The following UBE2V2 variants were observed in gnomAD, a reference collection of about 807,000 sequenced individuals.
The protein encoded by UBE2V2 is ubiquitin conjugating enzyme E2 V2, also known as ubiquitin-conjugating enzyme E2 variant 2.
A neutral mutation model predicts 17.2 loss-of-function variants in UBE2V2; 9 were observed. The ratio of observed to expected loss-of-function variants is 0.52; its 90% CI spans 0.32 to 0.91. The LOEUF (loss-of-function observed/expected upper bound fraction) is 0.91. Among genes scored for constraint, UBE2V2 ranks in the 40% least tolerant of loss-of-function variants. UBE2V2 has a pLI of 0.04. For synonymous variants in UBE2V2, 61 were observed against 57.5 expected (o/e 1.06, Z -0.28); for missense variants, 133 against 182.6 (o/e 0.73, Z 1.56).
chr8:48,010,496 G>T (rs1242736837), intron 1 of UBE2V2, among the ~76,000 whole-genome samples: 1 of 151,318 alleles, frequency 6.6e-6, no homozygotes, highest in African/African-American at 2.4e-5. Context: ...CCGCCTCCCG[G>T]GCTCAAGCGA....
intron 1 of UBE2V2, 81 bp from the exon 2 acceptor site, chr8:48,042,952 T>C (rs1162941288): frequency 7.7e-7 from 1 of 1,306,326 alleles, no homozygotes; most frequent in Non-Finnish European, 1.0e-6. Context: ...TAAAGGTTAA[T>C]TTGGAAAAAG....
At chr8:48,002,003 C>T in the UBE2V2 span, among the ~76,000 whole-genome samples, 6 of 151,858 alleles carry the variant, frequency 4.0e-5, no homozygotes, top group African/African-American at 9.7e-5. Context: ...GCAGGAGAAT[C>T]GCTTGAACCC....
At chr8:47,999,382 G>A in the UBE2V2 span, among the ~76,000 whole-genome samples, 1 of 151,186 alleles carries the variant, frequency 6.6e-6, no homozygotes, top group South Asian at 2.1e-4. Flanking sequence ...TTTTGAGATG[G>A]AGTCTTGCTC....
intron 3 of UBE2V2, among the ~76,000 whole-genome samples, chr8:48,053,929 C>T (rs182434176): frequency 6.2e-4 from 94 of 151,810 alleles, no homozygotes; most frequent in African/African-American, 2.0e-3. Flanking sequence ...CTTAGCCTCC[C>T]GAGTAGCTGG....
At chr8:48,008,004 C>T (rs45537341), upstream of UBE2V2, among the ~76,000 whole-genome samples, 2,297 of 152,278 alleles carry the variant, frequency 0.015, 23 homozygotes, top group Non-Finnish European at 0.023. Context: ...CTCATTGCCC[C>T]TCCGCCTCCC....
intron 2 of UBE2V2, among the ~76,000 whole-genome samples, chr8:48,047,446 A>T (rs917381226): frequency 2.6e-5 from 4 of 152,198 alleles, no homozygotes; most frequent in African/African-American, 9.6e-5. Context: ...TGAAATAATG[A>T]TTAGATAATA....
At chr8:48,059,210 C>T (rs1304655578) in intron 3 of UBE2V2, among the ~76,000 whole-genome samples, 1 of 152,036 alleles carries the variant, frequency 6.6e-6, no homozygotes, top group Admixed American at 6.6e-5. Context: ...GCTAGGATTA[C>T]AGGCGTGAGC....
chr8:48,063,595 C>T lies in UBE2V2; in HGVS notation c.*2767C>T, dbSNP rs189689469. Reference sequence around the variant, plus strand: ...GATTTAATGGTTTTAATTACTTAACCAATTTTAAGAATTGACAATTTTTAA... The same window carrying T: ...GATTTAATGGTTTTAATTACTTAACTAATTTTAAGAATTGACAATTTTTAA... On this transcript the variant is annotated 3_prime_UTR_variant, in exon 4 of 4. Coordinates refer to ENST00000523111, the MANE Select transcript of UBE2V2 (RefSeq NM_003350.3). 1 of 152,270 alleles carries T rather than the reference C, an allele frequency of 6.6e-6. No homozygotes were observed. The highest frequency in any genetic ancestry group is 6.5e-5 in the Admixed American group (1 of 15,286). The allele number at this position is 152,270 out of a possible 1,614,324, so 9.4% of individuals were successfully genotyped here. A position where few individuals can be genotyped will look rare whatever the true frequency, so the allele number is the denominator to read the frequency against.
At chr8:48,031,883 T>C (rs1189527938) in intron 1 of UBE2V2, among the ~76,000 whole-genome samples, 2 of 152,158 alleles carry the variant, frequency 1.3e-5, no homozygotes, top group Non-Finnish European at 2.9e-5. Context: ...CCTGACCTCA[T>C]GATCCACCCG....
At chr8:48,007,829 A>ACGTGACCC (rs2091195182), upstream of UBE2V2, among the ~76,000 whole-genome samples, 2 of 151,490 alleles carry the variant, frequency 1.3e-5, no homozygotes, top group African/African-American at 4.9e-5. Context: ...TCTTGGGCTC[A>ACGTGACCC]CGTGACCCTC....
chr8:48,008,404 C>T, upstream of UBE2V2: 1 of 1,553,836 alleles, frequency 6.4e-7, no homozygotes, highest in Middle Eastern at 1.7e-4. Flanking sequence ...GGAAGTGACG[C>T]GCGACGGTTC....
intron 1 of UBE2V2, among the ~76,000 whole-genome samples, chr8:48,038,477 A>C (rs1156551549): frequency 6.7e-6 from 1 of 150,368 alleles, no homozygotes; most frequent in African/African-American, 2.4e-5. Context: ...CACCATGCCC[A>C]GCTAATTTTT....
chr8:48,019,780 A>C (rs1188014349), intron 1 of UBE2V2, among the ~76,000 whole-genome samples: 1 of 151,860 alleles, frequency 6.6e-6, no homozygotes, highest in Non-Finnish European at 1.5e-5. Flanking sequence ...GCGCCACTGC[A>C]CTTCAGCCTG....
At chr8:48,016,473 C>A (rs1278502454) in intron 1 of UBE2V2, among the ~76,000 whole-genome samples, 3 of 151,914 alleles carry the variant, frequency 2.0e-5, no homozygotes, top group Admixed American at 6.6e-5. Context: ...CTCACCAACA[C>A]TTGTTATCTG....
intron 3 of UBE2V2, among the ~76,000 whole-genome samples, chr8:48,060,047 A>C (rs1222426593): frequency 1.3e-5 from 2 of 151,798 alleles, no homozygotes; most frequent in African/African-American, 2.4e-5. Flanking sequence ...CTCTACGAAA[A>C]ATAGAAAAAT....
chr8:48,030,208 T>C (rs1441664032), intron 1 of UBE2V2, among the ~76,000 whole-genome samples: 10 of 152,320 alleles, frequency 6.6e-5, no homozygotes, highest in Admixed American at 6.5e-4. Context: ...CATGGTTGTC[T>C]TCCCCACGAG....
chr8:48,013,025 T>G (rs1277616606), intron 1 of UBE2V2, among the ~76,000 whole-genome samples: 3 of 151,852 alleles, frequency 2.0e-5, no homozygotes, highest in African/African-American at 7.3e-5. Context: ...TTTTGTATTT[T>G]TAGTAGAGAC....
upstream of UBE2V2, among the ~76,000 whole-genome samples, chr8:48,005,177 A>G (rs201450536): frequency 1.3e-5 from 2 of 151,516 alleles, no homozygotes; most frequent in East Asian, 3.9e-4. Context: ...CTAGCCCCCA[A>G]CCCCTGACAG....
intron 1 of UBE2V2, among the ~76,000 whole-genome samples, chr8:48,012,407 A>G (rs1475709214): frequency 6.6e-6 from 1 of 152,186 alleles, no homozygotes; most frequent in Non-Finnish European, 1.5e-5. Context: ...ATTAATAATA[A>G]CAATTAGTTT....
Sources: allele counts gnomAD v4.1 joint callset (sites outside exome capture counted in the v4.1 genomes callset), GRCh38; gene constraint gnomAD v4.1.1; transcripts MANE v1.5; gene names NCBI Gene and HGNC (gene_info 2026-07-23, HGNC 2026-07-21).